NTRK2: variants seen among roughly 807,000 people sequenced by gnomAD.
NTRK2 encodes the protein neurotrophic receptor tyrosine kinase 2, also known as BDNF/NT-3 growth factors receptor.
In NTRK2, 13 loss-of-function variants were observed where a neutral mutation model predicts 94.5. The observed-to-expected ratio is 0.14, with a 90% CI of 0.09 to 0.22. The LOEUF (loss-of-function observed/expected upper bound fraction) is 0.22, where lower values mean the gene tolerates loss of function less well. NTRK2 is among the 10% of genes least tolerant of loss of function. The pLI is 1.00. For synonymous variants in NTRK2, 372 were observed against 407.4 expected (o/e 0.91, Z 1.05); for missense variants, 639 against 1,071.2 (o/e 0.60, Z 5.63).
chr9:84,794,309 C>T lies in NTRK2; in HGVS notation c.1396+42224C>T, dbSNP rs564219367. On this transcript the variant is annotated intron_variant, in intron 12 of 18. Transcript: ENST00000277120. ...ACCCGAAAATGGGGGCATCCTTGTC[C>T]GTGGCCGTTGGTGCATTTGCTTATA... Among the ~76,000 whole-genome samples, 7 of 152,304 alleles carry T rather than the reference C, an allele frequency of 4.6e-5. No individual in the cohort carries two copies. The South Asian group carries it at 6.2e-4, about 14-fold the overall frequency.
chr9:84,833,865 TGGG>T (rs1165357850), intron 12 of NTRK2, among the ~76,000 whole-genome samples: 1 of 152,210 alleles, frequency 6.6e-6, no homozygotes, highest in Non-Finnish European at 1.5e-5. Flanking sequence ...TAAGGATTTC[TGGG>T]GGCAGGACCA....
At chr9:84,950,827 A>G (rs775810068) in intron 16 of NTRK2, among the ~76,000 whole-genome samples, 2 of 152,166 alleles carry the variant, frequency 1.3e-5, no homozygotes, top group Non-Finnish European at 2.9e-5. Flanking sequence ...CTTTCACAAT[A>G]CTTCATCTCT....
chr9:84,695,166 C>T (rs999402051), intron 2 of NTRK2, among the ~76,000 whole-genome samples: 17 of 151,790 alleles, frequency 1.1e-4, no homozygotes, highest in Admixed American at 1.1e-3. Flanking sequence ...GAAACGATTC[C>T]ACTTTGAAGA....
chr9:84,740,072 A>G (rs2132277186), intron 9 of NTRK2, among the ~76,000 whole-genome samples: 1 of 152,308 alleles, frequency 6.6e-6, no homozygotes, highest in African/African-American at 2.4e-5. Context: ...AAACTAATGG[A>G]TTACTGAGTA....
intron 2 of NTRK2, among the ~76,000 whole-genome samples, chr9:84,689,625 A>G (rs924247126): frequency 2.0e-5 from 3 of 152,200 alleles, no homozygotes; most frequent in South Asian, 4.1e-4. Context: ...GTAGTGAAAC[A>G]CACATGACAT....
intron 14 of NTRK2, among the ~76,000 whole-genome samples, chr9:84,922,072 A>G (rs1356504014): frequency 6.6e-6 from 1 of 152,170 alleles, no homozygotes; most frequent in Non-Finnish European, 1.5e-5. Context: ...GATATGACTT[A>G]GTGATAAATT....
chr9:84,945,244 T>C (rs1311518195), intron 15 of NTRK2, among the ~76,000 whole-genome samples: 1 of 152,002 alleles, frequency 6.6e-6, no homozygotes, highest in Admixed American at 6.6e-5. Flanking sequence ...TGGTCATTCT[T>C]CCTCACATTC....
At chr9:84,988,147 T>G (rs912432766) in intron 17 of NTRK2, among the ~76,000 whole-genome samples, 2 of 152,178 alleles carry the variant, frequency 1.3e-5, no homozygotes, top group Admixed American at 6.5e-5. Context: ...AGCTACATCT[T>G]GAAGGATATT....
intron 12 of NTRK2, among the ~76,000 whole-genome samples, chr9:84,836,363 G>A (rs959358429): frequency 6.6e-6 from 1 of 151,774 alleles, no homozygotes; most frequent in Non-Finnish European, 1.5e-5. Flanking sequence ...AAGTAGCCCT[G>A]CAAGGAACTG....
At chr9:84,863,522 G>A (rs1430624433) in intron 13 of NTRK2, among the ~76,000 whole-genome samples, 1 of 152,056 alleles carries the variant, frequency 6.6e-6, no homozygotes, top group Non-Finnish European at 1.5e-5. Context: ...TCTTTTTCAT[G>A]GTGCCTGCTC....
Position 84,710,626 on chromosome 9 carries a change from G to T in NTRK2, c.429-11G>T. The T allele has an allele frequency of 1.2e-6, 2 of 1,614,060 alleles. No homozygotes were observed. Among genetic ancestry groups the T allele is most frequent in the Non-Finnish European group, 1.7e-6 (2 of 1,179,974 alleles). On this transcript the variant is annotated splice_polypyrimidine_tract_variant and intron_variant, in intron 5 of 18. Transcript: ENST00000277120. ...AGGAACTTGATCTGTTGTCATTTTT[G>T]TTCCCTGTAGGATCCTGGTGGGCAA...
chr9:84,701,511 T>C (rs1178441573), intron 2 of NTRK2, among the ~76,000 whole-genome samples: 2 of 152,110 alleles, frequency 1.3e-5, no homozygotes, highest in East Asian at 1.9e-4. Flanking sequence ...TATTCACCCC[T>C]ATATTGGAGG....
intron 12 of NTRK2, among the ~76,000 whole-genome samples, chr9:84,816,576 C>G (rs1387074285): frequency 6.6e-6 from 1 of 151,728 alleles, no homozygotes; most frequent in Non-Finnish European, 1.5e-5. Context: ...GTCGAGAGTT[C>G]AAGACCAGCC....
At chr9:84,668,710 T>C (rs970416408), upstream of NTRK2, 5 of 152,208 alleles carry the variant, frequency 3.3e-5, no homozygotes, top group South Asian at 8.3e-4. Flanking sequence ...CGTAGCTGGA[T>C]GCATATCGTG....
intron 14 of NTRK2, among the ~76,000 whole-genome samples, chr9:84,914,615 G>C (rs1465140277): frequency 1.3e-5 from 2 of 152,340 alleles, no homozygotes; most frequent in East Asian, 3.9e-4. Flanking sequence ...GCGGGTAGGA[G>C]TGGCTTTGTC....
rs1564566614 is a variant in NTRK2 at position 85,026,138 on chromosome 9, A to AT, written c.*4701_*4702insT. 1.5e-3 allele frequency: 296 copies of AT among 199,126 alleles called. 2 individuals carry two copies. Among genetic ancestry groups the AT allele is most frequent in the Middle Eastern group, 4.8e-3 (3 of 628 alleles). The allele number at this position is 199,126 out of a possible 1,614,324, so 12.3% of individuals were successfully genotyped here. On this transcript the variant is annotated 3_prime_UTR_variant, in exon 19 of 19. Transcript: ENST00000277120. ...CAAACACAAAGCAAAGCAAAAAAAA[A>AT]AATATATATATATATATCTGTATAT...
intron 17 of NTRK2, among the ~76,000 whole-genome samples, chr9:84,986,348 C>A (rs1828298351): frequency 6.6e-6 from 1 of 152,116 alleles, no homozygotes; most frequent in South Asian, 2.1e-4. Flanking sequence ...GAAACTGTTC[C>A]ACTTCAGGTC....
At chr9:84,799,419 ACAAG>A (rs1182940308) in intron 12 of NTRK2, among the ~76,000 whole-genome samples, 2 of 152,220 alleles carry the variant, frequency 1.3e-5, no homozygotes, top group Non-Finnish European at 2.9e-5. Flanking sequence ...TAAAAAACAA[ACAAG>A]CAAACAACCG....
intron 12 of NTRK2, among the ~76,000 whole-genome samples, chr9:84,849,206 T>G (rs990706544): frequency 6.6e-6 from 1 of 152,148 alleles, no homozygotes; most frequent in African/African-American, 2.4e-5. Context: ...GGGGACTCTA[T>G]TCATTTCAGT....
Sources: gnomAD v4.1 joint callset for allele counts (sites outside exome capture counted in the v4.1 genomes callset) on GRCh38, gnomAD v4.1.1 for gene constraint, MANE v1.5 for transcripts, NCBI Gene and HGNC (gene_info 2026-07-23, HGNC 2026-07-21) for gene names.